Variants in SAMD12 observed in about 807,000 individuals in gnomAD.
SAMD12 encodes sterile alpha motif domain containing 12, also known as sterile alpha motif domain-containing protein 12.
In SAMD12, 9 loss-of-function variants were observed where a neutral mutation model predicts 15.0. That is an observed-to-expected ratio of 0.60 (90% CI 0.36 to 1.05). The LOEUF (loss-of-function observed/expected upper bound fraction) is 1.05, where lower values mean the gene tolerates loss of function less well. Among genes scored for constraint, SAMD12 ranks in the 50% least tolerant of loss-of-function variants. The pLI is 0.01. For missense variants in SAMD12, 230 were observed against 234.2 expected (o/e 0.98, Z 0.12); for synonymous variants, 86 against 90.1 (o/e 0.96, Z 0.25).
chr8:118,458,097 T>C (rs1290301459), intron 2 of SAMD12, among the ~76,000 whole-genome samples: 1 of 152,170 alleles, frequency 6.6e-6, no homozygotes. Context: ...CCAGAGTGCA[T>C]GTGAATGAAC....
At chr8:118,400,914 CT>C (rs1820837737) in intron 3 of SAMD12, among the ~76,000 whole-genome samples, 1 of 152,164 alleles carries the variant, frequency 6.6e-6, no homozygotes, top group African/African-American at 2.4e-5. Context: ...ACATCAACAG[CT>C]TGAATTCAAT....
chr8:118,522,935 C>A (rs563110829), intron 2 of SAMD12, among the ~76,000 whole-genome samples: 1 of 152,186 alleles, frequency 6.6e-6, no homozygotes, highest in East Asian at 1.9e-4. Context: ...GATCTCTCTA[C>A]TTAATAAAAT....
chr8:118,347,860 G>A (rs1381684998), intron 4 of SAMD12, among the ~76,000 whole-genome samples: 1 of 152,144 alleles, frequency 6.6e-6, no homozygotes, highest in Non-Finnish European at 1.5e-5. Context: ...TCTAATAAGA[G>A]GTTGAACTAG....
intron 4 of SAMD12, among the ~76,000 whole-genome samples, chr8:118,345,347 T>C (rs1002912709): frequency 6.6e-6 from 1 of 152,204 alleles, no homozygotes; most frequent in Admixed American, 6.5e-5. Flanking sequence ...AATTATCTAA[T>C]GATGCATATC....
intron 2 of SAMD12, among the ~76,000 whole-genome samples, chr8:118,444,865 T>G (rs1285722136): frequency 6.6e-6 from 1 of 152,214 alleles, no homozygotes; most frequent in Non-Finnish European, 1.5e-5. Context: ...AACACTGCAA[T>G]TGTAAGATCC....
intron 4 of SAMD12, among the ~76,000 whole-genome samples, chr8:118,277,568 T>C (rs1813505067): frequency 6.6e-6 from 1 of 150,652 alleles, no homozygotes. Flanking sequence ...ATTTGATTTG[T>C]ATGTCTCCTG....
the SAMD12 span, among the ~76,000 whole-genome samples, chr8:118,173,842 C>G: frequency 5.9e-5 from 9 of 151,986 alleles, no homozygotes; most frequent in Admixed American, 3.9e-4. Context: ...GTTGGCCAGG[C>G]TAGTCTTGAA....
intron 2 of SAMD12, among the ~76,000 whole-genome samples, chr8:118,567,573 C>T (rs1262018949): frequency 2.6e-5 from 4 of 152,124 alleles, no homozygotes; most frequent in Admixed American, 1.3e-4. Flanking sequence ...ATCTAAGGGA[C>T]AAAGAGGCAC....
intron 1 of SAMD12, among the ~76,000 whole-genome samples, chr8:118,583,907 T>C (rs1042956172): frequency 6.6e-6 from 1 of 152,200 alleles, no homozygotes; most frequent in Non-Finnish European, 1.5e-5. Context: ...GCAGGTACCA[T>C]CTGTTTTTCA....
At chr8:118,213,487 C>T (rs996372604) in intron 4 of SAMD12, among the ~76,000 whole-genome samples, 3 of 152,226 alleles carry the variant, frequency 2.0e-5, no homozygotes, top group African/African-American at 7.2e-5. Flanking sequence ...ACATGCTAGC[C>T]ATTTCAGTGA....
rs1819547836 is a variant in SAMD12, at chr8:118,379,409, A to G, written c.*8T>C. 3 of 1,610,366 alleles carry G rather than the reference A, an allele frequency of 1.9e-6. No individual in the cohort carries two copies. The highest frequency in any genetic ancestry group is 3.3e-5 in the Admixed American group (2 of 59,744). Reference sequence around the variant, plus strand: ...AGCTATGAAAAAAGTTTTCAAAGGGAAGTAATCTTAAATCTGTATACTATT... The same window carrying G: ...AGCTATGAAAAAAGTTTTCAAAGGGGAGTAATCTTAAATCTGTATACTATT... On this transcript the variant is annotated 3_prime_UTR_variant, in exon 4 of 4. Transcript: ENST00000314727.
chr8:118,290,868 T>G (rs1472180860), intron 4 of SAMD12, among the ~76,000 whole-genome samples: 2 of 152,200 alleles, frequency 1.3e-5, no homozygotes, highest in African/African-American at 4.8e-5. Flanking sequence ...CTTTTTCCAG[T>G]GTCTTTTGAA....
chr8:118,523,725 G>A (rs1197349494), intron 2 of SAMD12, among the ~76,000 whole-genome samples: 3 of 152,060 alleles, frequency 2.0e-5, no homozygotes, highest in Non-Finnish European at 2.9e-5. Context: ...TATTCCAGGC[G>A]TCTCCAATAC....
chr8:118,455,521 A>T (rs139068340), intron 2 of SAMD12, among the ~76,000 whole-genome samples: 1 of 152,170 alleles, frequency 6.6e-6, no homozygotes, highest in Non-Finnish European at 1.5e-5. Flanking sequence ...TTCACTTCCT[A>T]TCTGTACTCT....
At chr8:118,232,739 G>A (rs1262773921) in intron 4 of SAMD12, among the ~76,000 whole-genome samples, 1 of 152,130 alleles carries the variant, frequency 6.6e-6, no homozygotes, top group African/African-American at 2.4e-5. Flanking sequence ...GAAAGGGGAG[G>A]AAGGTTGATT....
chr8:118,407,046 C>T (rs981611085), intron 3 of SAMD12, among the ~76,000 whole-genome samples: 1 of 151,640 alleles, frequency 6.6e-6, no homozygotes, highest in Non-Finnish European at 1.5e-5. Context: ...AAGAACTTAT[C>T]CAAGTAACAA....
intron 4 of SAMD12, among the ~76,000 whole-genome samples, chr8:118,275,167 G>A (rs1813443019): frequency 6.6e-6 from 1 of 152,098 alleles, no homozygotes; most frequent in Non-Finnish European, 1.5e-5. Context: ...AATTTATCAT[G>A]AATGGTTGTA....
downstream of SAMD12, among the ~76,000 whole-genome samples, chr8:118,188,531 C>T (rs555339626): frequency 3.8e-4 from 58 of 152,224 alleles, no homozygotes; most frequent in African/African-American, 1.3e-3. Context: ...TTACAGTAAG[C>T]ATGTAATAAA....
At chr8:118,417,208 G>T (rs977180227) in intron 3 of SAMD12, among the ~76,000 whole-genome samples, 1 of 152,046 alleles carries the variant, frequency 6.6e-6, no homozygotes. Flanking sequence ...ATCCTCCGGG[G>T]TAGCTAGGAC....
Sources: gnomAD v4.1 joint callset for allele counts (sites outside exome capture counted in the v4.1 genomes callset) on GRCh38, gnomAD v4.1.1 for gene constraint, MANE v1.5 for transcripts, NCBI Gene and HGNC (gene_info 2026-07-23, HGNC 2026-07-21) for gene names.